ERC2: variants seen among roughly 807,000 people sequenced by gnomAD.
ERC2 encodes ERC protein 2.
ERC2 carries 42 observed loss-of-function variants against 114.8 expected under a neutral mutation model. The observed-to-expected ratio is 0.37, with a 90% CI of 0.29 to 0.47. The LOEUF (loss-of-function observed/expected upper bound fraction) is 0.47. ERC2 is among the 20% of genes least tolerant of loss of function. The probability of loss-of-function intolerance (pLI) is 0.99; values close to 1 mark genes in which losing one functional copy is unlikely to be tolerated. For synonymous variants in ERC2, 454 were observed against 425.5 expected (o/e 1.07, Z -0.82); for missense variants, 939 against 1,150.7 (o/e 0.82, Z 2.66).
intron 14 of ERC2, among the ~76,000 whole-genome samples, chr3:55,867,912 A>G (rs2062401612): frequency 6.6e-6 from 1 of 152,182 alleles, no homozygotes; most frequent in African/African-American, 2.4e-5. Context: ...ATGATATAAT[A>G]TTATTCTTAT....
At chr3:55,592,381 T>A (rs2057933801) in intron 17 of ERC2, among the ~76,000 whole-genome samples, 1 of 152,194 alleles carries the variant, frequency 6.6e-6, no homozygotes, top group South Asian at 2.1e-4. Flanking sequence ...TTACTGATGC[T>A]TGTATCTCTC....
intron 14 of ERC2, among the ~76,000 whole-genome samples, chr3:55,755,594 C>A (rs114374273): frequency 6.6e-6 from 1 of 152,148 alleles, no homozygotes. Context: ...CCTGTCACTA[C>A]TTTTTATACT....
At chr3:55,868,974 G>A (rs2062446589) in intron 14 of ERC2, among the ~76,000 whole-genome samples, 1 of 151,990 alleles carries the variant, frequency 6.6e-6, no homozygotes, top group South Asian at 2.1e-4. Context: ...GCCAGTTCTG[G>A]GAGCCTCTTT....
At chr3:56,027,083 T>C (rs1416742074) in intron 7 of ERC2, among the ~76,000 whole-genome samples, 1 of 152,226 alleles carries the variant, frequency 6.6e-6, no homozygotes, top group African/African-American at 2.4e-5. Context: ...ACCTGTGGGA[T>C]TGGCTTTTTT....
chr3:56,181,514 T>G (rs761656514), intron 3 of ERC2, among the ~76,000 whole-genome samples: 8 of 152,216 alleles, frequency 5.3e-5, no homozygotes, highest in Non-Finnish European at 8.8e-5. Flanking sequence ...TAGAAAAGTT[T>G]GTCAACCCTT....
chr3:55,924,512 A>G (rs1411723192), intron 13 of ERC2, among the ~76,000 whole-genome samples: 1 of 151,970 alleles, frequency 6.6e-6, no homozygotes, highest in Non-Finnish European at 1.5e-5. Flanking sequence ...CTACCTTTAG[A>G]TTTTTAAAGC....
At chr3:55,929,106 G>C (rs992681414) in intron 13 of ERC2, among the ~76,000 whole-genome samples, 1 of 152,148 alleles carries the variant, frequency 6.6e-6, no homozygotes, top group Non-Finnish European at 1.5e-5. Flanking sequence ...AGCCAGTAGA[G>C]AGAGGCTCCC....
chr3:55,601,760 G>A (rs1220551196), intron 17 of ERC2, among the ~76,000 whole-genome samples: 11 of 152,168 alleles, frequency 7.2e-5, no homozygotes, highest in African/African-American at 1.7e-4. Context: ...ACAGGAGGTC[G>A]AGGCTGCAGT....
chr3:55,590,672 T>G (rs1395393642), intron 17 of ERC2, among the ~76,000 whole-genome samples: 1 of 152,252 alleles, frequency 6.6e-6, no homozygotes, highest in Non-Finnish European at 1.5e-5. Flanking sequence ...AAAAATTGCA[T>G]ATGCACTTAT....
intron 17 of ERC2, among the ~76,000 whole-genome samples, chr3:55,576,007 C>T (rs912124131): frequency 6.6e-6 from 1 of 152,064 alleles, no homozygotes; most frequent in African/African-American, 2.4e-5. Flanking sequence ...AGCTATTTAC[C>T]TCTATAAAAT....
chr3:56,083,368 A>C (rs1487755307), intron 6 of ERC2, among the ~76,000 whole-genome samples: 1 of 152,170 alleles, frequency 6.6e-6, no homozygotes, highest in Non-Finnish European at 1.5e-5. Context: ...GAGGTTACAG[A>C]AATGAGAGCA....
chr3:56,016,470 T>A (rs1371424896), intron 8 of ERC2, among the ~76,000 whole-genome samples: 1 of 151,240 alleles, frequency 6.6e-6, no homozygotes, highest in African/African-American at 2.4e-5. Context: ...TCCAAAAATA[T>A]GCTTACCCAT....
chr3:55,766,089 C>T (rs1011067387), intron 14 of ERC2, among the ~76,000 whole-genome samples: 1 of 152,124 alleles, frequency 6.6e-6, no homozygotes, highest in Non-Finnish European at 1.5e-5. Flanking sequence ...TGTGAAGCTA[C>T]CAAGGCTGCC....
intron 17 of ERC2, among the ~76,000 whole-genome samples, chr3:55,578,710 T>C (rs1165674444): frequency 6.6e-6 from 1 of 152,080 alleles, no homozygotes; most frequent in Non-Finnish European, 1.5e-5. Context: ...GTCAGTTGGG[T>C]GATATGTCTT....
chr3:56,446,681 A>G (rs1249359361), intron 1 of ERC2, among the ~76,000 whole-genome samples: 1 of 122,678 alleles, frequency 8.2e-6, no homozygotes, highest in Non-Finnish European at 1.6e-5. Context: ...ACTGGAGGGC[A>G]CTGGCACAAT....
At chr3:55,733,661 C>A (rs994321376) in intron 15 of ERC2, among the ~76,000 whole-genome samples, 17 of 151,932 alleles carry the variant, frequency 1.1e-4, no homozygotes, top group African/African-American at 4.1e-4. Context: ...TCAATGTATG[C>A]CTTTTCCTTC....
chr3:55,760,205 A>C (rs1297913567), intron 14 of ERC2, among the ~76,000 whole-genome samples: 1 of 152,222 alleles, frequency 6.6e-6, no homozygotes, highest in Non-Finnish European at 1.5e-5. Flanking sequence ...CACTGCCTAT[A>C]GTCAAGGAGC....
intron 13 of ERC2, among the ~76,000 whole-genome samples, chr3:55,912,124 C>G (rs956446878): frequency 6.6e-6 from 1 of 152,072 alleles, no homozygotes. Flanking sequence ...TTTAAAGAAC[C>G]GGTATAAATA....
intron 14 of ERC2, among the ~76,000 whole-genome samples, chr3:55,871,993 A>G (rs1285259893): frequency 1.3e-5 from 2 of 152,202 alleles, no homozygotes; most frequent in Non-Finnish European, 2.9e-5. Flanking sequence ...ATGACATAAT[A>G]TCTTAGTTTT....
Sources: gnomAD v4.1 joint callset for allele counts (sites outside exome capture counted in the v4.1 genomes callset) on GRCh38, gnomAD v4.1.1 for gene constraint, MANE v1.5 for transcripts, NCBI Gene and HGNC (gene_info 2026-07-23, HGNC 2026-07-21) for gene names.